Variants in NFASC observed in about 807,000 individuals in gnomAD.
NFASC encodes the protein neurofascin, also known as neurofascin homolog.
A neutral mutation model predicts 147.5 loss-of-function variants in NFASC; 43 were observed. That is an observed-to-expected ratio of 0.29 (90% confidence interval 0.23 to 0.38). NFASC has a LOEUF of 0.38. Ranked by LOEUF, NFASC falls within the 10% of genes least tolerant of loss-of-function variation. The probability of loss-of-function intolerance (pLI) is 1.00; values close to 1 mark genes in which losing one functional copy is unlikely to be tolerated. For synonymous variants in NFASC, 622 were observed against 665.5 expected (o/e 0.93, Z 1.01); for missense variants, 1,320 against 1,689.0 (o/e 0.78, Z 3.83).
chr1:204,887,208 A>G (rs2081460060), intron 1 of NFASC, among the ~76,000 whole-genome samples: 1 of 152,258 alleles, frequency 6.6e-6, no homozygotes, highest in South Asian at 2.1e-4. Flanking sequence ...GTCTCTATGA[A>G]TTTGACCTCT....
At chr1:204,930,296 G>A (rs1474384083) in intron 2 of NFASC, among the ~76,000 whole-genome samples, 1 of 152,172 alleles carries the variant, frequency 6.6e-6, no homozygotes, top group Non-Finnish European at 1.5e-5. Context: ...GAGCATGTCT[G>A]CAGAGCCGGG....
intron 1 of NFASC, among the ~76,000 whole-genome samples, chr1:204,834,704 A>C (rs141323537): frequency 1.8e-3 from 279 of 152,302 alleles, no homozygotes; most frequent in African/African-American, 6.4e-3. Flanking sequence ...AGAGCTTCAG[A>C]ACCTCTTACC....
At chr1:204,854,196 C>G (rs2075953864) in intron 1 of NFASC, among the ~76,000 whole-genome samples, 1 of 151,842 alleles carries the variant, frequency 6.6e-6, no homozygotes, top group Non-Finnish European at 1.5e-5. Flanking sequence ...GGGTAGTGGG[C>G]TCATCAAGGG....
intron 26 of NFASC, among the ~76,000 whole-genome samples, chr1:205,001,608 A>G (rs2095988488): frequency 6.6e-6 from 1 of 152,142 alleles, no homozygotes; most frequent in Non-Finnish European, 1.5e-5. Context: ...AAATGAGCCA[A>G]ATCTGTCCTC....
intron 1 of NFASC, among the ~76,000 whole-genome samples, chr1:204,856,053 C>T (rs2076123665): frequency 6.6e-6 from 1 of 152,162 alleles, no homozygotes; most frequent in Non-Finnish European, 1.5e-5. Context: ...GTAACTTGCT[C>T]TTGGTGACAC....
chr1:204,831,798 GT>G (rs958005555), intron 1 of NFASC, among the ~76,000 whole-genome samples: 6 of 152,254 alleles, frequency 3.9e-5, no homozygotes, highest in Admixed American at 3.9e-4. Context: ...GCCCTACGGT[GT>G]GCTGCTCTGC....
intron 2 of NFASC, among the ~76,000 whole-genome samples, chr1:204,934,823 G>A (rs1419612797): frequency 6.6e-6 from 1 of 152,256 alleles, no homozygotes; most frequent in East Asian, 1.9e-4. Flanking sequence ...TGGAATTGGT[G>A]TAGGATTGCT....
chr1:205,000,820 C>A (rs2095963581), intron 25 of NFASC: 3 of 258,344 alleles, frequency 1.2e-5, no homozygotes, highest in Admixed American at 6.9e-5. Flanking sequence ...GAACAATACT[C>A]CATCTCAAAA....
intron 17 of NFASC, 60 bp downstream of exon 17, chr1:204,977,785 G>A (rs1158121165): frequency 6.6e-7 from 1 of 1,522,098 alleles, no homozygotes; most frequent in East Asian, 2.3e-5. Context: ...AGGGTGTGGA[G>A]TCTGGGAGAA....
intron 1 of NFASC, among the ~76,000 whole-genome samples, chr1:204,834,941 G>C (rs1442380858): frequency 6.6e-6 from 1 of 152,048 alleles, no homozygotes; most frequent in Admixed American, 6.6e-5. Context: ...CTGACTCTAG[G>C]TGGCAAATGA....
rs530894806 is a variant in NFASC at position 204,977,405 on chromosome 1, C to T, written c.1832-276C>T. Among the ~76,000 whole-genome samples, 266 of 152,260 alleles carry T rather than the reference C, an allele frequency of 1.7e-3. 1 individual carries two copies. Among genetic ancestry groups the T allele is most frequent in the Admixed American group, 3.4e-3 (52 of 15,282 alleles). ...GGTGCCCTACTGCCACTAGCATTGG[C>T]GCAGTGGAGAGGCACAGTTGCAGAG... On this transcript the variant is annotated intron_variant, in intron 16 of 29. Transcript: ENST00000339876.
intron 1 of NFASC, among the ~76,000 whole-genome samples, chr1:204,902,610 G>T (rs1276950733): frequency 6.6e-6 from 1 of 152,214 alleles, no homozygotes; most frequent in African/African-American, 2.4e-5. Flanking sequence ...ATCCAGTGGA[G>T]GGGTGGGGAG....
intron 3 of NFASC, chr1:204,948,522 G>A (rs1327995236): frequency 2.0e-6 from 1 of 503,336 alleles, no homozygotes; most frequent in Non-Finnish European, 4.0e-6. Flanking sequence ...GTCAAGGAGA[G>A]CAGAGTCCTG....
chr1:204,923,515 A>C (rs1006262621), intron 2 of NFASC, among the ~76,000 whole-genome samples: 2 of 152,082 alleles, frequency 1.3e-5, no homozygotes, highest in African/African-American at 4.8e-5. Flanking sequence ...AAAAGGATCT[A>C]TTTGATTAAT....
chr1:204,829,599 A>G (rs1378192076), intron 1 of NFASC, among the ~76,000 whole-genome samples: 2 of 151,874 alleles, frequency 1.3e-5, no homozygotes, highest in Non-Finnish European at 2.9e-5. Context: ...CCTCTCTCTT[A>G]TGTTCCTCTC....
chr1:204,907,262 T>C (rs1431207891), intron 1 of NFASC, among the ~76,000 whole-genome samples: 2 of 152,250 alleles, frequency 1.3e-5, no homozygotes, highest in Admixed American at 6.5e-5. Flanking sequence ...TCATCTTCAA[T>C]GAAGTGTCTG....
At chr1:204,996,117 A>G (rs539307742) in intron 24 of NFASC, among the ~76,000 whole-genome samples, 53 of 152,226 alleles carry the variant, frequency 3.5e-4, no homozygotes, top group Admixed American at 2.3e-3. Flanking sequence ...ATGACCTTCT[A>G]TATCAGGAAA....
chr1:204,936,063 G>T (rs113347847), intron 2 of NFASC, among the ~76,000 whole-genome samples: 2 of 152,136 alleles, frequency 1.3e-5, no homozygotes, highest in Middle Eastern at 3.4e-3. Flanking sequence ...TGGGAGGGGG[G>T]TCCTGAGTCC....
intron 1 of NFASC, among the ~76,000 whole-genome samples, chr1:204,915,811 T>C (rs2089108193): frequency 6.6e-6 from 1 of 152,086 alleles, no homozygotes; most frequent in South Asian, 2.1e-4. Context: ...AATTCCAAGA[T>C]GAGAAAGTGT....
Sources: gnomAD v4.1 joint callset for allele counts (sites outside exome capture counted in the v4.1 genomes callset) on GRCh38, gnomAD v4.1.1 for gene constraint, MANE v1.5 for transcripts, NCBI Gene and HGNC (gene_info 2026-07-23, HGNC 2026-07-21) for gene names.